The following SLC28A2 variants were observed in gnomAD, a reference collection of about 807,000 sequenced individuals.
SLC28A2 encodes the protein sodium/nucleoside cotransporter 2.
In SLC28A2, 69 loss-of-function variants were observed where a neutral mutation model predicts 72.9. The observed-to-expected ratio is 0.95, with a 90% CI of 0.78 to 1.16. The LOEUF is 1.16. Among genes scored for constraint, SLC28A2 ranks in the 50% most tolerant of loss-of-function variants. The pLI is 0.00. For missense variants in SLC28A2, 745 were observed against 791.1 expected, an observed-to-expected ratio of 0.94 and a Z score of 0.70; for synonymous variants, 296 against 294.1, an observed-to-expected ratio of 1.01 and a Z score of -0.07.
chr15:45,263,715 C>T (rs1284190060), intron 5 of SLC28A2, among the ~76,000 whole-genome samples, 166 bp from the exon 6 acceptor site: 3 of 152,166 alleles, frequency 2.0e-5, no homozygotes, highest in African/African-American at 4.8e-5. Flanking sequence ...AACTTACAGT[C>T]GTGTATATTC....
chr15:45,272,162 G>C (rs1900592669), intron 15 of SLC28A2, 133 bp from the exon 16 acceptor site: 1 of 669,686 alleles, frequency 1.5e-6, no homozygotes. Flanking sequence ...GCCAGTCTCA[G>C]GTGGATGGTA....
chr15:45,271,755 C>T (rs1432508750), intron 15 of SLC28A2: 1 of 152,066 alleles, frequency 6.6e-6, no homozygotes, highest in Non-Finnish European at 1.5e-5. Flanking sequence ...AATTCCCTTT[C>T]AGTTTACCTT....
Position 45,269,322 on chromosome 15 carries a change from T to A in SLC28A2, c.1369-16T>A. The A allele has an allele frequency of 6.2e-7, 1 of 1,609,240 alleles. No homozygotes were observed. The highest frequency in any genetic ancestry group is 8.5e-7 in the Non-Finnish European group (1 of 1,175,834). On this transcript the variant is annotated splice_polypyrimidine_tract_variant and intron_variant, in intron 13 of 17. Coordinates refer to ENST00000347644, the MANE Select transcript of SLC28A2 (RefSeq NM_004212.4). ...ATTAGTCCTTCCTTTTCCTGTGATA[T>A]CTCTCTTTCACTCAGGTCATCTGCT...
chr15:45,267,505 T>G lies in SLC28A2; in HGVS notation c.993T>G (p.Ser331=), dbSNP rs17222036. The G allele has an allele frequency of 1.9e-6, 3 of 1,614,138 alleles. No homozygotes were observed. The highest frequency in any genetic ancestry group is 2.5e-6 in the Non-Finnish European group (3 of 1,179,996). ...CCTACCTTGGGGACATGACACTCTCTGAAATCCATGCGGTGATGACTGGAG... is the reference window on the plus strand; with the variant it reads ...CCTACCTTGGGGACATGACACTCTCGGAAATCCATGCGGTGATGACTGGAG... The part of the protein sequence containing the change: ...IRPYLGDMTL[S]EIHAVMTGGF... The change falls in exon 11 of 18, where the codon TCT becomes TCG. Residue 331 remains serine, a synonymous_variant. Coordinates refer to ENST00000347644, the MANE Select transcript of SLC28A2 (RefSeq NM_004212.4).
At chr15:45,257,602 T>C (rs961547769) in intron 3 of SLC28A2, among the ~76,000 whole-genome samples, 2 of 152,234 alleles carry the variant, frequency 1.3e-5, no homozygotes, top group Non-Finnish European at 2.9e-5. Context: ...TCTGTATTGA[T>C]TTTTAAGTAT....
rs370396988 is a variant in SLC28A2, at chr15:45,269,585, T to C, written c.1566+50T>C. 5.7e-5 allele frequency: 86 copies of C among 1,507,502 alleles called. 1 individual carries two copies. Among genetic ancestry groups the C allele is most frequent in the Middle Eastern group, 5.1e-4 (3 of 5,870 alleles). 93.4% of individuals were successfully genotyped at this position (1,507,502 alleles called of 1,614,324 possible). A position where few individuals can be genotyped will look rare whatever the true frequency, so the allele number is the denominator to read the frequency against. The stretch of plus-strand genomic sequence containing the variant: ...AACACCGTGAGGTCTCAGCCATGGT[T>C]ATCTGAGGGTAGACAGAAAGTGCCA... On this transcript the variant is annotated intron_variant, in intron 14 of 17. Transcript: ENST00000347644.
chr15:45,264,579 G>T, intron 6 of SLC28A2, 76 bp from the exon 7 acceptor site: 1 of 985,158 alleles, frequency 1.0e-6, no homozygotes, highest in South Asian at 1.3e-5. Flanking sequence ...GTTCCACCCA[G>T]AGTACATGTT....
chr15:45,267,617 C>G (rs747695736), intron 11 of SLC28A2, 37 bp downstream of exon 11: 4 of 1,614,038 alleles, frequency 2.5e-6, no homozygotes, highest in African/African-American at 1.3e-5. Flanking sequence ...TGGGTGAACT[C>G]GAGTTGGGTT....
chr15:45,253,086 T>C, intron 1 of SLC28A2, 114 bp from the exon 2 acceptor site: 1 of 618,036 alleles, frequency 1.6e-6, no homozygotes, highest in Admixed American at 2.7e-5. Context: ...CAACTAAGCC[T>C]TCAAAGACTT....
intron 10 of SLC28A2, among the ~76,000 whole-genome samples, chr15:45,266,726 G>C (rs1255469472): frequency 1.3e-5 from 2 of 152,128 alleles, no homozygotes; most frequent in African/African-American, 2.4e-5. Context: ...AAGGCTCTAG[G>C]CTGCTTCTGA....
chr15:45,269,870 A>G (rs932649895), intron 14 of SLC28A2, among the ~76,000 whole-genome samples: 1 of 152,176 alleles, frequency 6.6e-6, no homozygotes, highest in Non-Finnish European at 1.5e-5. Context: ...TTCTTCACTT[A>G]TAAGTTTAAA....
At position 45,269,430 on chromosome 15, in the gene SLC28A2, G is replaced by A. The variant is rs763566498; in HGVS notation, c.1461G>A (p.Lys487=). The A allele has an allele frequency of 5.6e-6, 9 of 1,613,990 alleles. No individual in the cohort carries two copies. The South Asian group carries it at 8.8e-5, about 16-fold the overall frequency. The change falls in exon 14 of 18, where the codon AAG becomes AAA. Residue 487 remains lysine, a synonymous_variant. Transcript: ENST00000347644. The part of the protein sequence containing the change: ...CPMVAEMVGI[K]FFINEFVAYQ... ...TGGTGGCTGAGATGGTGGGAATCAA[G>A]TTCTTCATAAATGAGTTTGTGGCTT... is the stretch of plus-strand genomic sequence containing the variant.
chr15:45,263,080 G>A lies in SLC28A2; in HGVS notation c.282G>A (p.Leu94=), dbSNP rs115562193. Residue 94 remains leucine (L), a synonymous_variant, in exon 5 of 18, where the codon CTG becomes CTA. Transcript: ENST00000347644. ...LLCLAYAAYL[L]AACILNFQRA... is the part of the protein sequence containing the mutation. ...TTTTAGCCTATGCTGCCTATCTCCT[G>A]GCAGCTTGCATCTTGAATTTCCAGA... 2.3e-4 allele frequency: 364 copies of A among 1,613,570 alleles called. No homozygotes were observed. The African/African-American group carries it at 4.6e-3, about 20-fold the overall frequency.
intron 3 of SLC28A2, chr15:45,255,246 A>G (rs1364607969): frequency 1.9e-5 from 2 of 104,132 alleles, no homozygotes; most frequent in Non-Finnish European, 4.2e-5. Context: ...ACAGAGTGAG[A>G]CCGTCTTGAA....
In SLC28A2 at chr15:45,253,434, A is replaced by T; in HGVS notation, c.84A>T (p.Glu28Asp). ...GTVNPGLELM[E>D]KEVEPEGSKR... ...CCCAATGCTCTCTGTGCTTGTAGGA[A>T]AAAGAAGTAGAGCCTGAGGGAAGCA... The change falls in exon 3 of 18, where the codon GAA becomes GAT. Residue 28 changes from glutamate to aspartate, a missense_variant and splice_region_variant. Glu to Asp is a conservative substitution (Grantham distance 45, BLOSUM62 2). Coordinates refer to ENST00000347644, the MANE Select transcript of SLC28A2 (RefSeq NM_004212.4). 6.2e-7 allele frequency: 1 copy of T among 1,613,290 alleles called. No individual in the cohort carries two copies. The highest frequency in any genetic ancestry group is 8.5e-7 in the Non-Finnish European group (1 of 1,179,232).
chr15:45,257,584 G>C (rs1900013683), intron 3 of SLC28A2, among the ~76,000 whole-genome samples: 1 of 151,984 alleles, frequency 6.6e-6, no homozygotes. Flanking sequence ...TTTCAATTCT[G>C]TTTTGTTTCT....
intron 7 of SLC28A2, 135 bp from the exon 8 acceptor site, chr15:45,264,954 C>A (rs17215605): frequency 1.3e-6 from 1 of 779,606 alleles, no homozygotes; most frequent in Non-Finnish European, 2.2e-6. Context: ...ACATAGCCTG[C>A]CCCTGGGCTG....
chr15:45,263,106 G>T lies in SLC28A2; in HGVS notation c.308G>T (p.Arg103Met). ...GCAGCTTGCATCTTGAATTTCCAGA[G>T]GGCACTGGCCTTGTTTGTCATCACC... ...LLAACILNFQ[R>M]ALALFVITCL... The change falls in exon 5 of 18, where the codon AGG becomes ATG. Residue 103 changes from arginine to methionine, a missense_variant. Coordinates refer to ENST00000347644, the MANE Select transcript of SLC28A2 (RefSeq NM_004212.4). 6.2e-7 allele frequency: 1 copy of T among 1,613,896 alleles called. No individual in the cohort carries two copies. The highest frequency in any genetic ancestry group is 1.3e-5 in the African/African-American group (1 of 75,002).
rs1477873310 is a variant in SLC28A2 at position 45,277,443 on chromosome 15, A to G, written c.*1930A>G. On this transcript the variant is annotated 3_prime_UTR_variant, in exon 18 of 18. Coordinates refer to ENST00000347644, the MANE Select transcript of SLC28A2 (RefSeq NM_004212.4). ...TTGGAAACAGTCTAAATGTCCATCA[A>G]TGGATAAATTGTGTTACATACACAC... 3 of 151,788 alleles carry G rather than the reference A, an allele frequency of 2.0e-5. No individual in the cohort carries two copies. Among genetic ancestry groups the G allele is most frequent in the Admixed American group, 1.3e-4 (2 of 15,258 alleles). 9.4% of individuals were successfully genotyped at this position (151,788 alleles called of 1,614,324 possible). A position where few individuals can be genotyped will look rare whatever the true frequency, so the allele number is the denominator to read the frequency against.
Sources: gnomAD v4.1 joint callset for allele counts (sites outside exome capture counted in the v4.1 genomes callset) on GRCh38, gnomAD v4.1.1 for gene constraint, MANE v1.5 for transcripts, NCBI Gene and HGNC (gene_info 2026-07-23, HGNC 2026-07-21) for gene names.